Variants in NDST4 observed in about 807,000 individuals in gnomAD.
The protein encoded by NDST4 is N-deacetylase and N-sulfotransferase 4.
In NDST4, 63 loss-of-function variants were observed where a neutral mutation model predicts 100.8. The observed-to-expected ratio is 0.62, with a 90% CI of 0.51 to 0.77. NDST4 has a LOEUF of 0.77. Ranked by LOEUF, NDST4 falls within the 30% of genes least tolerant of loss-of-function variation. The probability of loss-of-function intolerance (pLI) is 0.00; values close to 1 mark genes in which losing one functional copy is unlikely to be tolerated. For missense variants in NDST4, 943 were observed against 1,018.4 expected (o/e 0.93, Z 1.01); for synonymous variants, 377 against 361.8 (o/e 1.04, Z -0.48).
chr4:114,871,412 A>C (rs1724146171), intron 6 of NDST4, among the ~76,000 whole-genome samples: 2 of 152,112 alleles, frequency 1.3e-5, no homozygotes, highest in South Asian at 4.1e-4. Flanking sequence ...AGAGACTGTA[A>C]ATGTTTGCAC....
chr4:115,005,090 T>A (rs1339523328), intron 2 of NDST4, among the ~76,000 whole-genome samples: 2 of 152,236 alleles, frequency 1.3e-5, no homozygotes, highest in Non-Finnish European at 2.9e-5. Flanking sequence ...GGATACCTAT[T>A]ATGTGATTGT....
intron 2 of NDST4, among the ~76,000 whole-genome samples, chr4:115,041,122 T>C (rs1037092549): frequency 6.6e-6 from 1 of 152,112 alleles, no homozygotes; most frequent in African/African-American, 2.4e-5. Flanking sequence ...AATTAATGCA[T>C]AGAGGCATTG....
Position 114,935,329 on chromosome 4 carries a change from G to A in NDST4, c.1413C>T (p.Leu471=). Residue 471 remains leucine (L), a synonymous_variant, in exon 6 of 14, where the codon CTC becomes CTT. Coordinates refer to ENST00000264363, the MANE Select transcript of NDST4 (RefSeq NM_022569.3). Reference sequence around the variant, plus strand: ...TGAACAACCCACAAGTCTGTCGAGGGAGGACCTGAGTAAAAAAGGGGAAAA... The same window carrying A: ...TGAACAACCCACAAGTCTGTCGAGGAAGGACCTGAGTAAAAAAGGGGAAAA... ...KGFIHNSIMV[L]PRQTCGLFTH... 1 of 1,584,504 alleles carries A rather than the reference G, an allele frequency of 6.3e-7. No individual in the cohort carries two copies.
rs917490910 is a variant in NDST4 at position 114,977,333 on chromosome 4, C to A, written c.979-59G>T. ...AAAATAAATATGAAGTTTTGGGATGCCTCTTTTGCAAATGTGTATGCATGA... is the reference window on the plus strand; with the variant it reads ...AAAATAAATATGAAGTTTTGGGATGACTCTTTTGCAAATGTGTATGCATGA... On this transcript the variant is annotated intron_variant, in intron 2 of 13. Coordinates refer to ENST00000264363, the MANE Select transcript of NDST4 (RefSeq NM_022569.3). 34 of 1,191,710 alleles carry A rather than the reference C, an allele frequency of 2.9e-5. No individual in the cohort carries two copies. In the African/African-American group the frequency reaches 4.9e-4, roughly 17 times the overall value. The allele number at this position is 1,191,710 out of a possible 1,614,324, so 73.8% of individuals were successfully genotyped here. A position where few individuals can be genotyped will look rare whatever the true frequency, so the allele number is the denominator to read the frequency against.
intron 2 of NDST4, among the ~76,000 whole-genome samples, chr4:115,053,267 T>G (rs1728623507): frequency 1.3e-5 from 2 of 152,268 alleles, no homozygotes; most frequent in East Asian, 3.9e-4. Flanking sequence ...ATGAACATTT[T>G]AACACTAGTA....
In NDST4 at chr4:114,895,737, A is replaced by G. The variant is rs560646582; in HGVS notation, c.1537-24787T>C. Among the ~76,000 whole-genome samples, 27 of 152,294 alleles carry G rather than the reference A, an allele frequency of 1.8e-4. 1 individual carries two copies. The highest frequency in any genetic ancestry group is 5.2e-4 in the Admixed American group (8 of 15,296). ...GAACATTGATGTGAAAATCCTCAAT[A>G]AAATACAGGCAAACCGAATCCAGCA... On this transcript the variant is annotated intron_variant, in intron 6 of 13. Coordinates refer to ENST00000264363, the MANE Select transcript of NDST4 (RefSeq NM_022569.3).
At chr4:114,887,886 G>T (rs1440801454) in intron 6 of NDST4, among the ~76,000 whole-genome samples, 1 of 152,088 alleles carries the variant, frequency 6.6e-6, no homozygotes, top group Non-Finnish European at 1.5e-5. Context: ...ATAGATAAAA[G>T]GAGATAGATT....
At chr4:114,870,409 T>G (rs1026207436) in intron 7 of NDST4, among the ~76,000 whole-genome samples, 17 of 152,106 alleles carry the variant, frequency 1.1e-4, no homozygotes, top group Non-Finnish European at 1.9e-4. Context: ...GCTCTAGGTT[T>G]TTATTTCCCT....
At chr4:114,828,991 T>C (rs890851921) in intron 13 of NDST4, among the ~76,000 whole-genome samples, 4 of 152,174 alleles carry the variant, frequency 2.6e-5, no homozygotes, top group Non-Finnish European at 5.9e-5. Context: ...ATGTTTATAG[T>C]AGTAGTGGGA....
chr4:115,039,848 T>C (rs879668628), intron 2 of NDST4, among the ~76,000 whole-genome samples: 2 of 152,130 alleles, frequency 1.3e-5, no homozygotes, highest in Admixed American at 6.6e-5. Flanking sequence ...CTTTCTCCCA[T>C]ACTAAGAGTT....
chr4:114,925,931 A>AT (rs1725377270), intron 6 of NDST4, among the ~76,000 whole-genome samples: 1 of 152,134 alleles, frequency 6.6e-6, no homozygotes, highest in Admixed American at 6.5e-5. Flanking sequence ...TTTTATACTT[A>AT]TTGTGGAAAC....
At chr4:114,979,458 T>C (rs1027073387) in intron 2 of NDST4, among the ~76,000 whole-genome samples, 4 of 150,728 alleles carry the variant, frequency 2.7e-5, no homozygotes, top group Non-Finnish European at 4.4e-5. Context: ...GTATCCAAAG[T>C]ATGATAAAAG....
intron 2 of NDST4, among the ~76,000 whole-genome samples, chr4:115,067,479 T>C (rs560836221): frequency 6.6e-6 from 1 of 152,210 alleles, no homozygotes; most frequent in African/African-American, 2.4e-5. Context: ...ATAAATAATG[T>C]CTTATTTTCT....
At chr4:114,901,045 G>A (rs1048890654) in intron 6 of NDST4, among the ~76,000 whole-genome samples, 1 of 151,362 alleles carries the variant, frequency 6.6e-6, no homozygotes, top group Non-Finnish European at 1.5e-5. Context: ...ATTCTGTACG[G>A]TGTGTTTTAT....
At chr4:115,103,033 C>T (rs1729764889) in intron 1 of NDST4, among the ~76,000 whole-genome samples, 1 of 151,836 alleles carries the variant, frequency 6.6e-6, no homozygotes. Context: ...TCTAGAGACA[C>T]TTACAATAAA....
At chr4:114,977,519 T>C (rs114070570) in intron 2 of NDST4, among the ~76,000 whole-genome samples, 19 of 152,090 alleles carry the variant, frequency 1.2e-4, no homozygotes, top group African/African-American at 4.6e-4. Context: ...GAGAGGCAAT[T>C]GTCCAACTCC....
In NDST4 at chr4:114,861,021, T is replaced by C. The variant is rs191768875; in HGVS notation, c.1720-8200A>G. Among the ~76,000 whole-genome samples, 163 of 152,340 alleles carry C rather than the reference T, an allele frequency of 1.1e-3. 2 individuals carry two copies. The highest frequency in any genetic ancestry group is 4.9e-3 in the Admixed American group (75 of 15,298). Reference sequence around the variant, plus strand: ...ATGGACCACACTTTGAGTAGCACTATTCTGAGTTAATAATTGCCAACATCA... The same window carrying C: ...ATGGACCACACTTTGAGTAGCACTACTCTGAGTTAATAATTGCCAACATCA... On this transcript the variant is annotated intron_variant, in intron 7 of 13. Coordinates refer to ENST00000264363, the MANE Select transcript of NDST4 (RefSeq NM_022569.3).
chr4:114,974,104 G>T (rs552414534), intron 3 of NDST4, among the ~76,000 whole-genome samples: 2 of 151,868 alleles, frequency 1.3e-5, no homozygotes, highest in African/African-American at 4.8e-5. Flanking sequence ...GCTAAGCATT[G>T]CTCCTAATAA....
chr4:114,921,537 A>G (rs1725285177), intron 6 of NDST4, among the ~76,000 whole-genome samples: 1 of 152,196 alleles, frequency 6.6e-6, no homozygotes, highest in South Asian at 2.1e-4. Context: ...TTAAATAACA[A>G]TTGCAACCAA....
Sources: gnomAD v4.1 joint callset for allele counts (sites outside exome capture counted in the v4.1 genomes callset) on GRCh38, gnomAD v4.1.1 for gene constraint, MANE v1.5 for transcripts, NCBI Gene and HGNC (gene_info 2026-07-23, HGNC 2026-07-21) for gene names.